DOK4: variants seen among roughly 807,000 people sequenced by gnomAD.
DOK4 encodes the protein downstream of tyrosine kinase 4.
A neutral mutation model predicts 40.1 loss-of-function variants in DOK4; 26 were observed. The ratio of observed to expected loss-of-function variants is 0.65; its 90% CI spans 0.48 to 0.90. The LOEUF (loss-of-function observed/expected upper bound fraction) is 0.90, where lower values mean the gene tolerates loss of function less well. DOK4 is among the 40% of genes least tolerant of loss of function. The probability of loss-of-function intolerance (pLI) is 0.00; values close to 1 mark genes in which losing one functional copy is unlikely to be tolerated. For missense variants in DOK4, 392 were observed against 437.2 expected (o/e 0.90, Z 0.92); for synonymous variants, 179 against 177.0 (o/e 1.01, Z -0.09).
At chr16:57,475,279 C>A in intron 4 of DOK4, 60 bp from the exon 5 acceptor site, 1 of 1,580,760 alleles carries the variant, frequency 6.3e-7, no homozygotes, top group Non-Finnish European at 8.6e-7. Flanking sequence ...CCCGTCTGCC[C>A]AGCCTGACTT....
intron 7 of DOK4, 77 bp from the exon 8 acceptor site, chr16:57,473,813 C>A (rs1173757595): frequency 1.9e-6 from 3 of 1,592,400 alleles, no homozygotes; most frequent in Non-Finnish European, 2.6e-6. Flanking sequence ...ACCCTACCTG[C>A]CTCCACTGTG....
At chr16:57,472,224 A>C (rs970705906) in exon 9 of DOK4, 6 of 152,556 alleles carry the variant, frequency 3.9e-5, no homozygotes, top group African/African-American at 1.4e-4. Context: ...CCACAACTCA[A>C]ATAGTGGTTA....
intron 5 of DOK4, 27 bp downstream of exon 5, chr16:57,475,073 A>G (rs576151718): frequency 6.7e-7 from 1 of 1,499,934 alleles, no homozygotes; most frequent in African/African-American, 1.4e-5. Context: ...CCCCCTCCCC[A>G]CCCCCAGGGC....
At chr16:57,473,625 A>C (rs1023753695) in exon 8 of DOK4, 1 of 1,614,214 alleles carries the variant, frequency 6.2e-7, no homozygotes, top group Non-Finnish European at 8.5e-7. Context: ...GCATAGCTGG[A>C]GGCTTCGGCG....
chr16:57,474,448 C>T (rs2031045661), intron 6 of DOK4, among the ~76,000 whole-genome samples: 1 of 152,192 alleles, frequency 6.6e-6, no homozygotes, highest in Non-Finnish European at 1.5e-5. Context: ...AGGGGATACC[C>T]AGTCTTCACT....
chr16:57,479,542 A>G lies in DOK4; in HGVS notation c.-35T>C. On this transcript the variant is annotated 5_prime_UTR_variant, in exon 2 of 9. Coordinates refer to ENST00000340099, the Ensembl canonical transcript of DOK4. The surrounding 1 kb of genome is among the most constrained non-coding windows in gnomAD (Gnocchi z 5.8). ...ACCTTTTAGGGGCGCGGGGCCTGGC[A>G]GAGGCGAGGGGAAGGATGCCCAGGT... is the stretch of plus-strand genomic sequence containing the variant. 1.9e-6 allele frequency: 3 copies of G among 1,611,358 alleles called. No individual in the cohort carries two copies. The highest frequency in any genetic ancestry group is 2.5e-6 in the Non-Finnish European group (3 of 1,179,114).
chr16:57,475,566 G>T, exon 4 of DOK4: 1 of 1,609,844 alleles, frequency 6.2e-7, no homozygotes, highest in Non-Finnish European at 8.5e-7. Context: ...ACCGCCTGCC[G>T]CTTGGTCTCC....
intron 2 of DOK4, among the ~76,000 whole-genome samples, chr16:57,476,941 C>T (rs1403478787): frequency 2.6e-5 from 4 of 152,218 alleles, no homozygotes; most frequent in Non-Finnish European, 4.4e-5. Context: ...GCTGCCCTTG[C>T]ATGACCCCTC....
chr16:57,482,361 T>TTG (rs1491236095), intron 1 of DOK4, among the ~76,000 whole-genome samples: 2 of 127,500 alleles, frequency 1.6e-5, no homozygotes, highest in Admixed American at 1.7e-4. Flanking sequence ...GATGGGGCTT[T>TTG]TGTTTTTTTT....
rs747177711 is a variant in DOK4, at chr16:57,474,980, G to A, written c.412C>T (p.Arg138Cys). The change falls in exon 6 of 9, where the codon CGC (arginine) becomes TGC (cysteine). Residue 138 changes from arginine (R) to cysteine (C), a missense_variant and splice_region_variant. Coordinates refer to ENST00000340099, the Ensembl canonical transcript of DOK4. Reference sequence around the variant, plus strand: ...CAGGGCAGCAGGAAGACATTGAAGCGATCTGGAGTGGGGGAGGGTGGACAA... The same window carrying A: ...CAGGGCAGCAGGAAGACATTGAAGCAATCTGGAGTGGGGGAGGGTGGACAA... 1.2e-6 allele frequency: 2 copies of A among 1,606,902 alleles called. No individual in the cohort carries two copies. Among genetic ancestry groups the A allele is most frequent in the South Asian group, 1.1e-5 (1 of 90,300 alleles).
rs1434170854 is a variant in DOK4 at position 57,474,170 on chromosome 16, G to C, written c.600-131C>G. On this transcript the variant is annotated intron_variant, in intron 6 of 8. Coordinates refer to ENST00000340099, the Ensembl canonical transcript of DOK4. ...GGAGGACAGGTAGGGCTGTGGTCTGGGGGTCCGACCACACGGTGCAAATGT... is the reference window on the plus strand; with the variant it reads ...GGAGGACAGGTAGGGCTGTGGTCTGCGGGTCCGACCACACGGTGCAAATGT... 4 of 1,238,906 alleles carry C rather than the reference G, an allele frequency of 3.2e-6. No individual in the cohort carries two copies. The African/African-American group carries it at 4.5e-5, about 14-fold the overall frequency. The allele number at this position is 1,238,906 out of a possible 1,614,324, so 76.7% of individuals were successfully genotyped here.
At chr16:57,472,042 A>T (rs1259559913) in exon 9 of DOK4, 3 of 152,832 alleles carry the variant, frequency 2.0e-5, no homozygotes, top group Admixed American at 6.5e-5. Flanking sequence ...TAGCTGAGCC[A>T]GCCAGCTCTG....
chr16:57,479,299 G>T lies in DOK4; in HGVS notation c.66+143C>A. 1 of 880,976 alleles carries T rather than the reference G, an allele frequency of 1.1e-6. No homozygotes were observed. Among genetic ancestry groups the T allele is most frequent in the Non-Finnish European group, 1.7e-6 (1 of 578,628 alleles). 54.6% of individuals were successfully genotyped at this position (880,976 alleles called of 1,614,324 possible). On this transcript the variant is annotated intron_variant, in intron 2 of 8. Transcript: ENST00000340099. This position sits in a 1 kb window ranked among gnomAD's most constrained non-coding sequence, Gnocchi z 5.8. ...GGCACATGCCAGGCAGCACGCTGGC[G>T]AGGAGCCCCGAGACCACAGATGCAC... is the stretch of plus-strand genomic sequence containing the variant.
intron 2 of DOK4, among the ~76,000 whole-genome samples, chr16:57,477,030 C>G (rs3785335): frequency 2.6e-5 from 4 of 152,218 alleles, no homozygotes; most frequent in African/African-American, 9.7e-5. Context: ...TCCAAAAGCC[C>G]GACAGAGCCT....
rs764095768 is a variant in DOK4, at chr16:57,479,609, C to CT, written c.-103dup. On this transcript the variant is annotated 5_prime_UTR_variant, in exon 2 of 9. Transcript: ENST00000340099. This position sits in a 1 kb window ranked among gnomAD's most constrained non-coding sequence, Gnocchi z 5.8. ...CCTCCAATCACCTGTTCCAGACACT[C>CT]TGTCGGGGCTGCCGCGAGGGGCTGC... 92 of 1,310,688 alleles carry CT rather than the reference C, an allele frequency of 7.0e-5. No homozygotes were observed. The highest frequency in any genetic ancestry group is 8.7e-5 in the Non-Finnish European group (80 of 923,686). 81.2% of individuals were successfully genotyped at this position (1,310,688 alleles called of 1,614,324 possible).
intron 2 of DOK4, among the ~76,000 whole-genome samples, chr16:57,476,831 G>A (rs2031201682): frequency 1.3e-5 from 2 of 152,232 alleles, no homozygotes; most frequent in Admixed American, 1.3e-4. Flanking sequence ...CCCCAAGGGG[G>A]TGGGGAGCAG....
chr16:57,473,871 C>T (rs1162491805), intron 7 of DOK4, 30 bp downstream of exon 7: 11 of 1,609,110 alleles, frequency 6.8e-6, no homozygotes, highest in African/African-American at 4.0e-5. Flanking sequence ...CCCCTCCCCC[C>T]GTACCCTGGA....
At chr16:57,474,085 A>G (rs1203989181) in intron 6 of DOK4, 46 bp from the exon 7 acceptor site, 1 of 1,608,606 alleles carries the variant, frequency 6.2e-7, no homozygotes, top group Non-Finnish European at 8.5e-7. Flanking sequence ...CCCACCACAG[A>G]CATGCATGTG....
chr16:57,486,585 G>C (rs2031550161), upstream of DOK4: 1 of 147,812 alleles, frequency 6.8e-6, no homozygotes, highest in Admixed American at 6.8e-5. Flanking sequence ...TCCGAGCCGC[G>C]GGACGCGCGA....
Sources: gnomAD v4.1 joint callset for allele counts (sites outside exome capture counted in the v4.1 genomes callset) on GRCh38, gnomAD v4.1.1 for gene constraint, Gnocchi (gnomAD v3.1) non-coding constraint, MANE v1.5 for transcripts, NCBI Gene and HGNC (gene_info 2026-07-23, HGNC 2026-07-21) for gene names.